The following CCDC15 variants were observed in gnomAD, a reference collection of about 807,000 sequenced individuals.
CCDC15 encodes coiled-coil domain containing 15, also known as coiled-coil domain-containing protein 15.
A neutral mutation model predicts 114.5 loss-of-function variants in CCDC15; 105 were observed. The ratio of observed to expected loss-of-function variants is 0.92; its 90% confidence interval spans 0.78 to 1.08. The LOEUF is 1.08. Ranked by LOEUF, CCDC15 falls within the 50% of genes least tolerant of loss-of-function variation. The pLI is 0.00. For synonymous variants in CCDC15, 334 were observed against 377.8 expected (o/e 0.88, Z 1.34); for missense variants, 1,105 against 1,093.6 (o/e 1.01, Z -0.15).
intron 6 of CCDC15, among the ~76,000 whole-genome samples, chr11:124,986,258 T>G (rs1948154453): frequency 1.3e-5 from 2 of 152,236 alleles, no homozygotes; most frequent in African/African-American, 4.8e-5. Context: ...AACTTTGTGG[T>G]AACTTTTGAA....
chr11:124,967,702 GAGA>G (rs1490208720), intron 4 of CCDC15, among the ~76,000 whole-genome samples: 1 of 152,208 alleles, frequency 6.6e-6, no homozygotes, highest in Non-Finnish European at 1.5e-5. Flanking sequence ...TCCTTTGGAG[GAGA>G]AGAAGTGCTC....
At chr11:124,964,367 T>C (rs956182318) in intron 4 of CCDC15, among the ~76,000 whole-genome samples, 4 of 152,172 alleles carry the variant, frequency 2.6e-5, no homozygotes, top group African/African-American at 9.7e-5. Context: ...CATCCCTTCA[T>C]GTAAGTTGGA....
At chr11:124,973,597 T>C (rs150962130) in intron 4 of CCDC15, among the ~76,000 whole-genome samples, 1,646 of 152,112 alleles carry the variant, frequency 0.011, 13 homozygotes, top group Middle Eastern at 0.02. Context: ...TTTTCATCCT[T>C]AGGTAATTAT....
rs770790753 is a variant in CCDC15 at position 124,987,323 on chromosome 11, A to G, written c.1097A>G (p.Lys366Arg). Reference sequence around the variant, plus strand: ...CCAGATACCCAGGCTGTTGAAATGAAGGTTCAGGTTACTGAGCCAGAAGGC... The same window carrying G: ...CCAGATACCCAGGCTGTTGAAATGAGGGTTCAGGTTACTGAGCCAGAAGGC... The part of the protein sequence containing the change: ...VKPDTQAVEM[K>R]VQVTEPEGQA... The change falls in exon 8 of 16, where the codon AAG (lysine) becomes AGG (arginine). Residue 366 changes from lysine (K) to arginine (R), a missense_variant. By Grantham distance (26) the Lys-to-Arg change is conservative (BLOSUM62 2). Coordinates refer to ENST00000344762, the MANE Select transcript of CCDC15 (RefSeq NM_025004.3). The G allele has an allele frequency of 6.2e-7, 1 of 1,613,236 alleles. No individual in the cohort carries two copies. The highest frequency in any genetic ancestry group is 1.7e-5 in the Admixed American group (1 of 59,848).
Position 125,040,694 on chromosome 11 carries a change from A to G in CCDC15, c.2839A>G (p.Thr947Ala). 1.2e-6 allele frequency: 2 copies of G among 1,611,912 alleles called. No homozygotes were observed. Among genetic ancestry groups the G allele is most frequent in the East Asian group, 4.5e-5 (2 of 44,858 alleles). Residue 947 changes from threonine to alanine, a missense_variant, in exon 16 of 16, where the codon ACT (threonine) becomes GCT (alanine). Thr to Ala is a moderately conservative substitution (Grantham distance 58). Coordinates refer to ENST00000344762, the MANE Select transcript of CCDC15 (RefSeq NM_025004.3). ...IHNFASAHRR[T>A]LKNL ...TAATTTTGCTTCTGCACACAGGCGG[A>G]CTTTGAAAAATCTATAATAAGAATC...
chr11:125,027,902 G>T (rs1019901849), intron 13 of CCDC15, among the ~76,000 whole-genome samples: 5 of 152,018 alleles, frequency 3.3e-5, no homozygotes, highest in Admixed American at 1.3e-4. Flanking sequence ...ATCTTGAGTT[G>T]ATTTTTGTAT....
chr11:124,976,905 G>T lies in CCDC15; in HGVS notation c.631-573G>T, dbSNP rs575152364. 3.9e-5 allele frequency among the ~76,000 whole-genome samples: 6 copies of T among 152,142 alleles called. No individual in the cohort carries two copies. The South Asian group carries it at 1.2e-3, about 32-fold the overall frequency. ...CAAAGAAAGCATATATGTTTTTCAG[G>T]TAAAAATATGAAAAACAAATCTACT... On this transcript the variant is annotated intron_variant, in intron 5 of 15. Transcript: ENST00000344762.
intron 4 of CCDC15, among the ~76,000 whole-genome samples, chr11:124,962,814 G>A (rs1020963454): frequency 2.0e-5 from 3 of 152,048 alleles, no homozygotes; most frequent in African/African-American, 4.8e-5. Flanking sequence ...ACCATGCCAC[G>A]ACAGGCCCTG....
At chr11:125,002,545 C>A (rs531048357) in intron 11 of CCDC15, among the ~76,000 whole-genome samples, 1 of 152,196 alleles carries the variant, frequency 6.6e-6, no homozygotes, top group East Asian at 1.9e-4. Context: ...ATATTTAGGC[C>A]TATGATGCAT....
chr11:124,983,583 A>T (rs867488151), intron 6 of CCDC15, among the ~76,000 whole-genome samples: 13 of 152,146 alleles, frequency 8.5e-5, no homozygotes, highest in African/African-American at 2.2e-4. Flanking sequence ...TGTGTGCTCC[A>T]AATCTGGGGG....
chr11:125,028,799 A>G (rs1262543236), intron 13 of CCDC15, among the ~76,000 whole-genome samples: 1 of 152,144 alleles, frequency 6.6e-6, no homozygotes, highest in African/African-American at 2.4e-5. Flanking sequence ...CTCTTGCCCG[A>G]TCACTCTGGC....
intron 12 of CCDC15, among the ~76,000 whole-genome samples, chr11:125,004,357 G>A (rs756328499): frequency 1.3e-5 from 2 of 151,532 alleles, no homozygotes; most frequent in Non-Finnish European, 1.5e-5. Flanking sequence ...ATACAAATAT[G>A]CCTAGATCTA....
rs1037249885 is a variant in CCDC15 at position 125,040,996 on chromosome 11, G to A, written c.*285G>A. On this transcript the variant is annotated 3_prime_UTR_variant, in exon 16 of 16. Coordinates refer to ENST00000344762, the MANE Select transcript of CCDC15 (RefSeq NM_025004.3). ...ACTTTGCTCTGCTCTGATCAGAAGA[G>A]CTCATGTGAAGTCTTTGAGATTCTC... 3.9e-6 allele frequency: 1 copy of A among 258,096 alleles called. No homozygotes were observed. Among genetic ancestry groups the A allele is most frequent in the Non-Finnish European group, 7.4e-6 (1 of 136,050 alleles). The allele number at this position is 258,096 out of a possible 1,614,324, so 16.0% of individuals were successfully genotyped here.
intron 6 of CCDC15, 42 bp from the exon 7 acceptor site, chr11:124,986,700 T>TGTGTGTGTGCGTGC: frequency 7.4e-7 from 1 of 1,351,590 alleles, no homozygotes; most frequent in South Asian, 1.5e-5. Context: ...TTTGTGTGTG[T>TGTGTGTGTGCGTGC]GCGCGCGCGC....
intron 6 of CCDC15, 44 bp from the exon 7 acceptor site, chr11:124,986,698 T>A (rs565690661): frequency 2.1e-6 from 3 of 1,437,394 alleles, no homozygotes; most frequent in Non-Finnish European, 1.8e-6. Flanking sequence ...TGTTTGTGTG[T>A]GTGCGCGCGC....
At chr11:125,022,062 C>T (rs1238964326) in intron 13 of CCDC15, among the ~76,000 whole-genome samples, 1 of 151,956 alleles carries the variant, frequency 6.6e-6, no homozygotes, top group Non-Finnish European at 1.5e-5. Flanking sequence ...GATCCCTAGC[C>T]AAGAGCTCCT....
chr11:124,988,177 T>C, intron 8 of CCDC15, 43 bp downstream of exon 8: 1 of 1,558,642 alleles, frequency 6.4e-7, no homozygotes, highest in Non-Finnish European at 8.7e-7. Context: ...AGAAATAAGC[T>C]ACTTAGGGTT....
intron 4 of CCDC15, among the ~76,000 whole-genome samples, chr11:124,967,242 G>A (rs537938394): frequency 1.6e-4 from 24 of 152,306 alleles, no homozygotes; most frequent in African/African-American, 5.5e-4. Flanking sequence ...TTCCAACTTG[G>A]TTCCATTCTC....
chr11:124,998,594 T>G (rs1231556391), intron 11 of CCDC15, among the ~76,000 whole-genome samples: 1 of 152,186 alleles, frequency 6.6e-6, no homozygotes, highest in East Asian at 1.9e-4. Flanking sequence ...ATGTAGAAGC[T>G]TTATAATCAG....
Sources: allele counts gnomAD v4.1 joint callset (sites outside exome capture counted in the v4.1 genomes callset), GRCh38; gene constraint gnomAD v4.1.1; transcripts MANE v1.5; gene names NCBI Gene and HGNC (gene_info 2026-07-23, HGNC 2026-07-21).